NEGR1: variants seen among roughly 807,000 people sequenced by gnomAD.
NEGR1 encodes the protein neuronal growth regulator 1, also known as IgLON family member 4.
Under a neutral mutation model 40.9 loss-of-function variants are expected in NEGR1, and 10 were observed. That is an observed-to-expected ratio of 0.24 (90% CI 0.15 to 0.42). The LOEUF is 0.42. NEGR1 is among the 10% of genes least tolerant of loss of function. The probability of loss-of-function intolerance (pLI) is 1.00; values close to 1 mark genes in which losing one functional copy is unlikely to be tolerated. For synonymous variants in NEGR1, 185 were observed against 166.8 expected (o/e 1.11, Z -0.84); for missense variants, 352 against 438.9 (o/e 0.80, Z 1.77).
intron 1 of NEGR1, among the ~76,000 whole-genome samples, chr1:72,120,381 GA>G (rs1649751809): frequency 6.6e-6 from 1 of 151,794 alleles, no homozygotes; most frequent in Non-Finnish European, 1.5e-5. Flanking sequence ...AGCTAAAAAA[GA>G]AAACTGCAAT....
chr1:72,188,907 G>A (rs953128508), intron 1 of NEGR1, among the ~76,000 whole-genome samples: 2 of 151,362 alleles, frequency 1.3e-5, no homozygotes, highest in Non-Finnish European at 3.0e-5. Flanking sequence ...AAACAAGAAA[G>A]GGATTAATTC....
At chr1:71,993,258 G>A (rs1349920101) in intron 1 of NEGR1, among the ~76,000 whole-genome samples, 1 of 152,114 alleles carries the variant, frequency 6.6e-6, no homozygotes, top group Non-Finnish European at 1.5e-5. Flanking sequence ...AGCTTTCTTT[G>A]AATATCTAAA....
chr1:71,978,729 A>G (rs1260376240), intron 1 of NEGR1, among the ~76,000 whole-genome samples: 1 of 152,206 alleles, frequency 6.6e-6, no homozygotes, highest in Non-Finnish European at 1.5e-5. Context: ...TTGCAGAGAA[A>G]AGGAAACACT....
intron 6 of NEGR1, among the ~76,000 whole-genome samples, chr1:71,563,960 A>G (rs1648539361): frequency 6.9e-6 from 1 of 145,280 alleles, no homozygotes; most frequent in Non-Finnish European, 1.5e-5. Context: ...ATCGGGGAGG[A>G]AAAAAAAAAA....
intron 6 of NEGR1, among the ~76,000 whole-genome samples, chr1:71,471,765 T>C (rs991012245): frequency 6.6e-6 from 1 of 152,114 alleles, no homozygotes; most frequent in Non-Finnish European, 1.5e-5. Context: ...CAGTCTCCTA[T>C]GTTACCCAGA....
At chr1:71,446,750 A>C (rs544290000) in intron 6 of NEGR1, among the ~76,000 whole-genome samples, 5 of 152,314 alleles carry the variant, frequency 3.3e-5, no homozygotes, top group Admixed American at 3.3e-4. Flanking sequence ...CAGCTTGATA[A>C]ATGTTCACAA....
chr1:71,708,190 T>G (rs894731034), intron 3 of NEGR1, among the ~76,000 whole-genome samples: 1 of 150,830 alleles, frequency 6.6e-6, no homozygotes. Context: ...CCAGGAGAAA[T>G]AGAGATATGT....
chr1:71,682,277 T>A (rs560739934), intron 4 of NEGR1, among the ~76,000 whole-genome samples: 2 of 152,188 alleles, frequency 1.3e-5, no homozygotes, highest in African/African-American at 4.8e-5. Context: ...TGGAGTGGAA[T>A]TTTCATTCAA....
chr1:71,675,126 T>TATGTATATATATATATATATATATACAC (rs145354058), intron 4 of NEGR1, among the ~76,000 whole-genome samples: 1 of 77,794 alleles, frequency 1.3e-5, no homozygotes, highest in Admixed American at 1.6e-4. Context: ...TATATATATA[T>TATGTATATATATATATATATATATACAC]ACACACACAC....
chr1:71,738,704 A>T (rs1655114634), intron 3 of NEGR1, among the ~76,000 whole-genome samples: 1 of 152,090 alleles, frequency 6.6e-6, no homozygotes, highest in African/African-American at 2.4e-5. Context: ...GGACAACCCC[A>T]GGGAACACAG....
chr1:71,898,316 AT>A (rs1258436758), intron 2 of NEGR1, among the ~76,000 whole-genome samples: 1 of 152,170 alleles, frequency 6.6e-6, no homozygotes, highest in Non-Finnish European at 1.5e-5. Flanking sequence ...GCTTACAGAC[AT>A]TAAAAACTGC....
chr1:72,236,631 G>A (rs1029854003), intron 1 of NEGR1, among the ~76,000 whole-genome samples: 8 of 151,748 alleles, frequency 5.3e-5, no homozygotes, highest in South Asian at 4.1e-4. Context: ...ATTTCTTATT[G>A]TAAAGGTACT....
intron 1 of NEGR1, among the ~76,000 whole-genome samples, chr1:72,068,260 A>G (rs1034270070): frequency 6.6e-6 from 1 of 152,164 alleles, no homozygotes; most frequent in Non-Finnish European, 1.5e-5. Context: ...TAAGAAGTGG[A>G]CACCACATGG....
intron 1 of NEGR1, among the ~76,000 whole-genome samples, chr1:72,229,845 G>A (rs1011427745): frequency 1.3e-5 from 2 of 151,916 alleles, no homozygotes; most frequent in Non-Finnish European, 2.9e-5. Context: ...TCCACATTCT[G>A]CTTTTATCAA....
chr1:71,457,581 C>T (rs1382642020), intron 6 of NEGR1, among the ~76,000 whole-genome samples: 3 of 152,140 alleles, frequency 2.0e-5, no homozygotes, highest in Non-Finnish European at 2.9e-5. Context: ...TTTTTTATTG[C>T]GAATTCAGCG....
At chr1:71,483,472 C>T (rs1646867569) in intron 6 of NEGR1, among the ~76,000 whole-genome samples, 1 of 151,646 alleles carries the variant, frequency 6.6e-6, no homozygotes, top group South Asian at 2.1e-4. Flanking sequence ...GTGAGTATTA[C>T]AGGTTAAGCT....
At chr1:71,969,458 G>C (rs925114180) in intron 1 of NEGR1, among the ~76,000 whole-genome samples, 9 of 152,112 alleles carry the variant, frequency 5.9e-5, no homozygotes, top group Admixed American at 5.9e-4. Flanking sequence ...AAAGCATATG[G>C]GTAAATTTAG....
At chr1:71,840,071 C>G (rs977391277) in intron 2 of NEGR1, among the ~76,000 whole-genome samples, 1 of 152,042 alleles carries the variant, frequency 6.6e-6, no homozygotes, top group Non-Finnish European at 1.5e-5. Flanking sequence ...TATGCATTAT[C>G]TCCAGAGCGG....
At chr1:71,966,362 T>A (rs531795659) in intron 1 of NEGR1, among the ~76,000 whole-genome samples, 1 of 152,298 alleles carries the variant, frequency 6.6e-6, no homozygotes, top group South Asian at 2.1e-4. Context: ...TGTGCATGGA[T>A]CGAAAAGTAT....
Sources: allele counts gnomAD v4.1 joint callset (sites outside exome capture counted in the v4.1 genomes callset), GRCh38; gene constraint gnomAD v4.1.1; transcripts MANE v1.5; gene names NCBI Gene and HGNC (gene_info 2026-07-23, HGNC 2026-07-21).